The following TANC1 variants were observed in gnomAD, a reference collection of about 807,000 sequenced individuals.
TANC1 encodes the protein protein TANC1.
A neutral mutation model predicts 149.7 loss-of-function variants in TANC1; 77 were observed. The observed-to-expected ratio is 0.51, with a 90% CI of 0.43 to 0.62. TANC1 has a LOEUF of 0.62. Among genes scored for constraint, TANC1 ranks in the 20% least tolerant of loss-of-function variants. The pLI is 0.00. For synonymous variants in TANC1, 854 were observed against 925.0 expected, an observed-to-expected ratio of 0.92 and a Z score of 1.39; for missense variants, 1,985 against 2,321.8, an observed-to-expected ratio of 0.85 and a Z score of 2.98.
At chr2:159,027,941 C>T (rs1459614929) in intron 2 of TANC1, among the ~76,000 whole-genome samples, 1 of 151,960 alleles carries the variant, frequency 6.6e-6, no homozygotes, top group Non-Finnish European at 1.5e-5. Context: ...GCGTGCATGT[C>T]AGTTCAAGTC....
chr2:159,194,731 T>C (rs1289877137), intron 17 of TANC1, among the ~76,000 whole-genome samples: 1 of 152,248 alleles, frequency 6.6e-6, no homozygotes, highest in Non-Finnish European at 1.5e-5. Context: ...AGGGAGACCC[T>C]GGCTCCTAGC....
chr2:159,182,086 G>A (rs1027894799), intron 14 of TANC1, among the ~76,000 whole-genome samples: 9 of 152,098 alleles, frequency 5.9e-5, no homozygotes, highest in African/African-American at 2.2e-4. Context: ...GCAAGCACCT[G>A]TAATCCCAGC....
Position 158,990,977 on chromosome 2 carries a change from GTGGGAGGATTGCTTGAGCC to G in TANC1, c.-125-10083_-125-10065del, listed in dbSNP as rs1256071271. On this transcript the variant is annotated intron_variant, in intron 1 of 26. Transcript: ENST00000263635. ...AGTCCCAGCTAGTGAGGAGGCTGAG[GTGGGAGGATTGCTTGAGCC>G]TGGGAGGATTGCTTGAGCCAGCGAG... Among the ~76,000 whole-genome samples the G allele has an allele frequency of 3.3e-5, 5 of 151,638 alleles. No individual in the cohort carries two copies. In the East Asian group the frequency reaches 7.7e-4, roughly 23 times the overall value.
intron 2 of TANC1, among the ~76,000 whole-genome samples, chr2:159,064,834 G>A (rs2042526799): frequency 6.6e-6 from 1 of 152,178 alleles, no homozygotes; most frequent in Admixed American, 6.5e-5. Flanking sequence ...TGAGGCATTT[G>A]TGCTAACTAG....
chr2:159,132,237 G>A (rs1367054065), intron 4 of TANC1, among the ~76,000 whole-genome samples: 1 of 152,174 alleles, frequency 6.6e-6, no homozygotes, highest in Non-Finnish European at 1.5e-5. Context: ...GTGAATTAAT[G>A]TATGTGCGTG....
chr2:159,091,871 T>C (rs1453990568), intron 3 of TANC1, among the ~76,000 whole-genome samples: 1 of 151,998 alleles, frequency 6.6e-6, no homozygotes, highest in Non-Finnish European at 1.5e-5. Flanking sequence ...AGACATAAAA[T>C]GGCTTCAAGT....
chr2:159,055,284 C>T (rs2041768077), intron 2 of TANC1, among the ~76,000 whole-genome samples: 1 of 152,204 alleles, frequency 6.6e-6, no homozygotes, highest in Admixed American at 6.5e-5. Context: ...ATACTCAAAC[C>T]CTAGGTGGTT....
intron 16 of TANC1, among the ~76,000 whole-genome samples, chr2:159,190,258 C>T (rs767061945): frequency 2.0e-5 from 3 of 152,246 alleles, no homozygotes; most frequent in East Asian, 1.9e-4. Context: ...ATTTTTTAGG[C>T]CCATGGATCT....
At chr2:159,213,916 A>G (rs182582573) in intron 19 of TANC1, among the ~76,000 whole-genome samples, 1,576 of 152,148 alleles carry the variant, frequency 0.01, 35 homozygotes, top group African/African-American at 0.036. Flanking sequence ...ACCTGAGGTC[A>G]GGAGTTCGAG....
intron 4 of TANC1, among the ~76,000 whole-genome samples, chr2:159,101,782 C>T (rs990529929): frequency 6.6e-6 from 1 of 152,032 alleles, no homozygotes; most frequent in Admixed American, 6.6e-5. Context: ...TTTATTTTCC[C>T]AGATCACTCT....
intron 1 of TANC1, among the ~76,000 whole-genome samples, chr2:158,981,270 G>A (rs1218166936): frequency 6.0e-5 from 9 of 150,968 alleles, no homozygotes; most frequent in Admixed American, 2.0e-4. Flanking sequence ...TGGGCAACAC[G>A]GTGAGACCTT....
chr2:159,003,212 A>G (rs1042444313), intron 2 of TANC1, among the ~76,000 whole-genome samples: 1 of 152,192 alleles, frequency 6.6e-6, no homozygotes. Context: ...TGATTGTTTT[A>G]CTGTCCCCTT....
intron 3 of TANC1, among the ~76,000 whole-genome samples, chr2:159,075,508 C>T (rs186024926): frequency 6.6e-6 from 1 of 151,924 alleles, no homozygotes; most frequent in African/African-American, 2.4e-5. Context: ...CCTGGAAAGT[C>T]GAGGTTGCAG....
At chr2:159,078,993 T>C (rs912807302) in intron 3 of TANC1, among the ~76,000 whole-genome samples, 1 of 152,086 alleles carries the variant, frequency 6.6e-6, no homozygotes, top group African/African-American at 2.4e-5. Flanking sequence ...AAACCTATGG[T>C]ATACCTGCTT....
chr2:159,191,846 A>G (rs1035997813), intron 16 of TANC1, among the ~76,000 whole-genome samples: 1 of 152,146 alleles, frequency 6.6e-6, no homozygotes, highest in African/African-American at 2.4e-5. Context: ...TCTAGTCAAT[A>G]AATGATAGTC....
intron 14 of TANC1, among the ~76,000 whole-genome samples, chr2:159,185,394 G>A (rs569901585): frequency 6.6e-6 from 1 of 152,332 alleles, no homozygotes; most frequent in African/African-American, 2.4e-5. Flanking sequence ...CTCACCACAA[G>A]GACTTGTGTG....
At chr2:159,121,363 C>T (rs928920910) in intron 4 of TANC1, among the ~76,000 whole-genome samples, 3 of 152,216 alleles carry the variant, frequency 2.0e-5, no homozygotes, top group African/African-American at 7.2e-5. Flanking sequence ...GACGGACTCC[C>T]ACCCTTATCG....
At chr2:159,069,765 CTTTT>C (rs67843631) in intron 3 of TANC1, among the ~76,000 whole-genome samples, 44 of 109,358 alleles carry the variant, frequency 4.0e-4, no homozygotes, top group Non-Finnish European at 5.0e-4. Flanking sequence ...TATGTGCAAG[CTTTT>C]TTTTTTTTTT....
chr2:158,977,999 C>T (rs527947119), intron 1 of TANC1, among the ~76,000 whole-genome samples: 5 of 152,334 alleles, frequency 3.3e-5, no homozygotes, highest in South Asian at 2.1e-4. Flanking sequence ...CCCGCTTCCA[C>T]ATTTCAGTTT....
Sources: allele counts gnomAD v4.1 joint callset (sites outside exome capture counted in the v4.1 genomes callset), GRCh38; gene constraint gnomAD v4.1.1; transcripts MANE v1.5; gene names NCBI Gene and HGNC (gene_info 2026-07-23, HGNC 2026-07-21).